PSME3IP1: variants seen among roughly 807,000 people sequenced by gnomAD.
The protein encoded by PSME3IP1 is PSME3-interacting protein.
A neutral mutation model predicts 34.1 loss-of-function variants in PSME3IP1; 13 were observed. The ratio of observed to expected loss-of-function variants is 0.38; its 90% CI spans 0.25 to 0.61. The LOEUF is 0.61. Among genes scored for constraint, PSME3IP1 ranks in the 20% least tolerant of loss-of-function variants. The pLI is 0.60. For missense variants in PSME3IP1, 237 were observed against 301.4 expected (o/e 0.79, Z 1.58); for synonymous variants, 93 against 114.3 (o/e 0.81, Z 1.19).
At chr16:57,169,219 T>G (rs755595436) in intron 4 of PSME3IP1, among the ~76,000 whole-genome samples, 6 of 152,220 alleles carry the variant, frequency 3.9e-5, no homozygotes, top group Non-Finnish European at 5.9e-5. Flanking sequence ...CAGCATTCTC[T>G]TAAAATTGCA....
In PSME3IP1 at chr16:57,152,595, A is replaced by G. The variant is rs1222796854; in HGVS notation, c.*1695T>C. On this transcript the variant is annotated 3_prime_UTR_variant, in exon 7 of 7. Transcript: ENST00000309137. ...AATGGCCTCTTAAGAGTCATGCCACATAAAGATGATGACTTTGATGTCCTG... is the reference window on the plus strand; with the variant it reads ...AATGGCCTCTTAAGAGTCATGCCACGTAAAGATGATGACTTTGATGTCCTG... 2 of 152,664 alleles carry G rather than the reference A, an allele frequency of 1.3e-5. No individual in the cohort carries two copies. The highest frequency in any genetic ancestry group is 2.1e-4 in the South Asian group (1 of 4,834). The allele number at this position is 152,664 out of a possible 1,614,324, so 9.5% of individuals were successfully genotyped here. A position where few individuals can be genotyped will look rare whatever the true frequency, so the allele number is the denominator to read the frequency against.
intron 1 of PSME3IP1, among the ~76,000 whole-genome samples, chr16:57,180,552 G>A (rs1241777410): frequency 6.6e-6 from 1 of 151,352 alleles, no homozygotes; most frequent in Non-Finnish European, 1.5e-5. Context: ...ATTTCACGCC[G>A]CTGCACTCCA....
chr16:57,183,832 G>A (rs1214528362), intron 1 of PSME3IP1, among the ~76,000 whole-genome samples: 1 of 152,116 alleles, frequency 6.6e-6, no homozygotes, highest in African/African-American at 2.4e-5. Flanking sequence ...CCAGGGAGTG[G>A]AGTCTGACAA....
intron 4 of PSME3IP1, among the ~76,000 whole-genome samples, chr16:57,170,525 GA>G (rs2072447082): frequency 6.6e-6 from 1 of 152,198 alleles, no homozygotes; most frequent in Non-Finnish European, 1.5e-5. Flanking sequence ...ATATAAGCTT[GA>G]AATATCCAAA....
chr16:57,180,728 A>AC (rs1335309148), intron 1 of PSME3IP1, among the ~76,000 whole-genome samples: 2 of 152,080 alleles, frequency 1.3e-5, no homozygotes, highest in African/African-American at 2.4e-5. Flanking sequence ...AGATGGTGAG[A>AC]CCCCAACTCT....
At chr16:57,158,502 C>A (rs539424043) in intron 6 of PSME3IP1, among the ~76,000 whole-genome samples, 7 of 152,242 alleles carry the variant, frequency 4.6e-5, no homozygotes, top group African/African-American at 1.4e-4. Flanking sequence ...GCAGAAGAAT[C>A]GCTTGAGCCT....
chr16:57,167,218 G>A lies in PSME3IP1; in HGVS notation c.357C>T (p.Leu119=), dbSNP rs74338741. 1,171 of 1,614,196 alleles carry A rather than the reference G, an allele frequency of 7.3e-4. 11 individuals carry two copies. In the African/African-American group the frequency reaches 0.014, roughly 19 times the overall value. ...LKELKEYRNN[L]KKVGISQENK... is the part of the protein sequence containing the mutation. Reference sequence around the variant, plus strand: ...TCTCTTGAGAAATTCCAACCTTCTTGAGGTTATTGTGAGTTACCAGTTAAG... The same window carrying A: ...TCTCTTGAGAAATTCCAACCTTCTTAAGGTTATTGTGAGTTACCAGTTAAG... The change falls in exon 5 of 7, where the codon CTC becomes CTT. Residue 119 remains leucine, a synonymous_variant. Coordinates refer to ENST00000309137, the MANE Select transcript of PSME3IP1 (RefSeq NM_024946.4).
rs2074141507 is a variant in PSME3IP1 at position 57,185,926 on chromosome 16, A to G, written c.-121T>C. The G allele has an allele frequency of 1.6e-5, 16 of 985,182 alleles. No homozygotes were observed. Among genetic ancestry groups the G allele is most frequent in the African/African-American group, 3.5e-5 (2 of 57,224 alleles). 61.0% of individuals were successfully genotyped at this position (985,182 alleles called of 1,614,324 possible). ...AAAAAGAAAAAAAAATGAAAGGAAG[A>G]AAGAAAGAAACAGAGGAAGGAATGA... is the stretch of plus-strand genomic sequence containing the variant. On this transcript the variant is annotated 5_prime_UTR_variant, in exon 1 of 7. Coordinates refer to ENST00000309137, the MANE Select transcript of PSME3IP1 (RefSeq NM_024946.4).
At chr16:57,171,129 T>C (rs1446433076) in intron 4 of PSME3IP1, among the ~76,000 whole-genome samples, 2 of 151,522 alleles carry the variant, frequency 1.3e-5, no homozygotes, top group African/African-American at 4.8e-5. Context: ...TTAGGGAAGG[T>C]TTCTAAAAGG....
At position 57,173,822 on chromosome 16, in the gene PSME3IP1, G is replaced by T. The variant is rs1567425194; in HGVS notation, c.33C>A (p.Ile11=). 6.2e-7 allele frequency: 1 copy of T among 1,613,554 alleles called. No homozygotes were observed. The highest frequency in any genetic ancestry group is 8.5e-7 in the Non-Finnish European group (1 of 1,179,882). ...CTGCCTCAGACACAAACCTCTTTTTGATAATAAGGTTACCATCATCCCCTC... is the reference window on the plus strand; with the variant it reads ...CTGCCTCAGACACAAACCTCTTTTTTATAATAAGGTTACCATCATCCCCTC... MDGGDDGNLI[I]KKRFVSEAEL... Residue 11 remains isoleucine (I), a synonymous_variant, in exon 2 of 7, where the codon ATC becomes ATA. Transcript: ENST00000309137.
chr16:57,160,222 G>A (rs1238605989), intron 6 of PSME3IP1, among the ~76,000 whole-genome samples: 1 of 151,524 alleles, frequency 6.6e-6, no homozygotes, highest in Admixed American at 6.6e-5. Context: ...CCCGGGAAGC[G>A]GAGCTTGCAG....
chr16:57,155,158 T>G (rs1332772019), intron 6 of PSME3IP1, among the ~76,000 whole-genome samples: 1 of 152,234 alleles, frequency 6.6e-6, no homozygotes, highest in African/African-American at 2.4e-5. Flanking sequence ...CAGAAACCAA[T>G]TTAACACAAC....
At chr16:57,173,663 T>G (rs2072877431) in intron 2 of PSME3IP1, 65 bp downstream of exon 2, 1 of 1,577,652 alleles carries the variant, frequency 6.3e-7, no homozygotes, top group Non-Finnish European at 8.7e-7. Flanking sequence ...GTGAGGACAA[T>G]TAATACCTAC....
intron 2 of PSME3IP1, 32 bp downstream of exon 2, chr16:57,173,696 T>A: frequency 6.2e-7 from 1 of 1,612,080 alleles, no homozygotes; most frequent in Non-Finnish European, 8.5e-7. Flanking sequence ...CTGTGTGGAT[T>A]AAAGACCATT....
At chr16:57,181,847 C>T (rs2073744684) in intron 1 of PSME3IP1, 1 of 152,264 alleles carries the variant, frequency 6.6e-6, no homozygotes, top group African/African-American at 2.4e-5. Flanking sequence ...GTGGGAAGGG[C>T]ACAGAGCTTC....
intron 2 of PSME3IP1, 114 bp from the exon 3 acceptor site, chr16:57,172,988 C>T (rs1216069325): frequency 1.4e-6 from 1 of 725,700 alleles, no homozygotes; most frequent in Non-Finnish European, 2.4e-6. Flanking sequence ...CAAGTCTCTG[C>T]ATGATCTGAG....
chr16:57,184,824 A>C (rs2146059753), intron 1 of PSME3IP1, among the ~76,000 whole-genome samples: 1 of 152,262 alleles, frequency 6.6e-6, no homozygotes, highest in East Asian at 1.9e-4. Context: ...ACTTCAGTTG[A>C]GAAAGATAAT....
intron 4 of PSME3IP1, among the ~76,000 whole-genome samples, chr16:57,167,902 A>C (rs190893980): frequency 1.3e-5 from 2 of 152,344 alleles, no homozygotes; most frequent in Admixed American, 1.3e-4. Flanking sequence ...CAAGAACTGA[A>C]AAGCTATTTT....
intron 1 of PSME3IP1, among the ~76,000 whole-genome samples, chr16:57,177,379 G>C (rs1323342473): frequency 2.7e-4 from 39 of 143,548 alleles, no homozygotes; most frequent in African/African-American, 8.0e-4. Flanking sequence ...GTGAAACAGG[G>C]TTTCACCATG....
Sources: gnomAD v4.1 joint callset for allele counts (sites outside exome capture counted in the v4.1 genomes callset) on GRCh38, gnomAD v4.1.1 for gene constraint, MANE v1.5 for transcripts, NCBI Gene and HGNC (gene_info 2026-07-23, HGNC 2026-07-21) for gene names.